Variants in CNTNAP2 observed in about 807,000 individuals in gnomAD.
CNTNAP2 encodes contactin-associated protein-like 2.
Under a neutral mutation model 155.2 loss-of-function variants are expected in CNTNAP2, and 98 were observed. That is an observed-to-expected ratio of 0.63 (90% CI 0.54 to 0.75). The LOEUF (loss-of-function observed/expected upper bound fraction) is 0.75. CNTNAP2 is among the 30% of genes least tolerant of loss of function. CNTNAP2 has a pLI of 0.00. For synonymous variants in CNTNAP2, 651 were observed against 631.2 expected, an observed-to-expected ratio of 1.03 and a Z score of -0.47; for missense variants, 1,727 against 1,688.1, an observed-to-expected ratio of 1.02 and a Z score of -0.40.
intron 18 of CNTNAP2, among the ~76,000 whole-genome samples, chr7:148,187,105 AACATACAC>A (rs1366194778): frequency 8.2e-6 from 1 of 122,682 alleles, no homozygotes; most frequent in African/African-American, 3.0e-5. Flanking sequence ...TGAGCAAGGA[AACATACAC>A]ACACACACAC....
At chr7:146,564,084 C>A (rs1250396008) in intron 1 of CNTNAP2, among the ~76,000 whole-genome samples, 1 of 152,106 alleles carries the variant, frequency 6.6e-6, no homozygotes, top group Non-Finnish European at 1.5e-5. Flanking sequence ...ATTATTTAAT[C>A]AACTAATCAG....
chr7:146,703,631 G>C (rs905888814), intron 1 of CNTNAP2, among the ~76,000 whole-genome samples: 2 of 152,096 alleles, frequency 1.3e-5, no homozygotes, highest in South Asian at 4.1e-4. Flanking sequence ...GTGAGGGCTT[G>C]TTCCCTATAA....
At chr7:146,935,630 A>G (rs1271045936) in intron 3 of CNTNAP2, among the ~76,000 whole-genome samples, 1 of 152,220 alleles carries the variant, frequency 6.6e-6, no homozygotes, top group Non-Finnish European at 1.5e-5. Context: ...GGCTATAATT[A>G]CACAGCAGAT....
chr7:147,407,704 G>T (rs1054979117), intron 10 of CNTNAP2, among the ~76,000 whole-genome samples: 1 of 152,100 alleles, frequency 6.6e-6, no homozygotes, highest in African/African-American at 2.4e-5. Context: ...TTAAAACTAT[G>T]TTAAGAAGCA....
chr7:146,908,874 T>C, intron 3 of CNTNAP2, among the ~76,000 whole-genome samples: 1 of 147,206 alleles, frequency 6.8e-6, no homozygotes, highest in Non-Finnish European at 1.5e-5. Context: ...ACTGGTTTTT[T>C]GAAAGGATCA....
At chr7:147,658,045 A>C (rs1178444565) in intron 13 of CNTNAP2, among the ~76,000 whole-genome samples, 1 of 119,188 alleles carries the variant, frequency 8.4e-6, no homozygotes, top group Non-Finnish European at 1.9e-5. Flanking sequence ...TCACGAGGTC[A>C]GGAGATCGAG....
intron 10 of CNTNAP2, among the ~76,000 whole-genome samples, chr7:147,441,809 CTCTT>C (rs1182442586): frequency 8.4e-6 from 1 of 119,746 alleles, no homozygotes; most frequent in African/African-American, 3.1e-5. Flanking sequence ...CAAATGTAGT[CTCTT>C]TCTCTCTCTC....
chr7:147,090,595 G>A (rs905980636), intron 4 of CNTNAP2, among the ~76,000 whole-genome samples: 3 of 151,960 alleles, frequency 2.0e-5, no homozygotes, highest in Non-Finnish European at 2.9e-5. Context: ...TCAGAAATGT[G>A]TATCTCTTTT....
At chr7:146,765,532 C>T (rs139753858) in intron 1 of CNTNAP2, among the ~76,000 whole-genome samples, 1 of 152,278 alleles carries the variant, frequency 6.6e-6, no homozygotes, top group South Asian at 2.1e-4. Context: ...TTCAACAGCT[C>T]TCTGCAAGGT....
intron 15 of CNTNAP2, among the ~76,000 whole-genome samples, chr7:147,985,641 T>C: frequency 6.6e-6 from 1 of 152,146 alleles, no homozygotes; most frequent in East Asian, 1.9e-4. Context: ...AACTGATCTT[T>C]TTCCACTTAC....
intron 8 of CNTNAP2, among the ~76,000 whole-genome samples, chr7:147,140,783 T>C (rs1257647243): frequency 6.6e-6 from 1 of 152,110 alleles, no homozygotes; most frequent in Non-Finnish European, 1.5e-5. Context: ...CTGTACATAA[T>C]TTTATGGGCA....
chr7:146,280,142 A>G (rs1800227500), intron 1 of CNTNAP2, among the ~76,000 whole-genome samples: 1 of 152,090 alleles, frequency 6.6e-6, no homozygotes, highest in Non-Finnish European at 1.5e-5. Context: ...TTTTTTAGTA[A>G]AAGCAGTTGC....
At chr7:147,090,322 C>CGTGTGTGTGTGT (rs146882206) in intron 4 of CNTNAP2, among the ~76,000 whole-genome samples, 1,608 of 141,880 alleles carry the variant, frequency 0.011, 30 homozygotes, top group African/African-American at 0.039. Flanking sequence ...AACATATAAG[C>CGTGTGTGTGTGT]GTGTGTGTGT....
intron 2 of CNTNAP2, among the ~76,000 whole-genome samples, chr7:146,781,184 C>T (rs36070411): frequency 0.093 from 13,895 of 149,278 alleles, 743 homozygotes; most frequent in African/African-American, 0.14. Flanking sequence ...GCCCAGATCG[C>T]GCCACTACAC....
chr7:147,016,223 C>A (rs758429223), intron 3 of CNTNAP2, among the ~76,000 whole-genome samples: 3 of 151,286 alleles, frequency 2.0e-5, no homozygotes, highest in Admixed American at 6.6e-5. Flanking sequence ...TGAGCACTGT[C>A]AGTCTTTTAA....
At chr7:147,429,293 G>T (rs902372730) in intron 10 of CNTNAP2, among the ~76,000 whole-genome samples, 3 of 151,870 alleles carry the variant, frequency 2.0e-5, no homozygotes, top group Non-Finnish European at 2.9e-5. Context: ...GAGTAAGGTG[G>T]TATATTATTG....
At chr7:147,900,057 T>C (rs1799840590) in intron 13 of CNTNAP2, among the ~76,000 whole-genome samples, 1 of 152,118 alleles carries the variant, frequency 6.6e-6, no homozygotes, top group African/African-American at 2.4e-5. Flanking sequence ...GCTGTCAAAT[T>C]AAAAGAAAAC....
At chr7:147,572,768 T>C (rs1174775542) in intron 12 of CNTNAP2, among the ~76,000 whole-genome samples, 1 of 152,048 alleles carries the variant, frequency 6.6e-6, no homozygotes, top group Non-Finnish European at 1.5e-5. Context: ...AACTCATTTC[T>C]TTGCAATCAA....
Position 147,897,875 on chromosome 7 carries a change from G to T in CNTNAP2, c.2099-5690G>T, listed in dbSNP as rs142536821. On this transcript the variant is annotated intron_variant, in intron 13 of 23. Transcript: ENST00000361727. The stretch of plus-strand genomic sequence containing the variant: ...GGATGCTTTACCACTTACCCTGATG[G>T]AAAAAGAAAGGAGAAGCAAATGACT... Among the ~76,000 whole-genome samples the T allele has an allele frequency of 2.6e-4, 39 of 152,268 alleles. 1 individual carries two copies. Among genetic ancestry groups the T allele is most frequent in the African/African-American group, 9.4e-4 (39 of 41,550 alleles).
Sources: allele counts gnomAD v4.1 joint callset (sites outside exome capture counted in the v4.1 genomes callset), GRCh38; gene constraint gnomAD v4.1.1; transcripts MANE v1.5; gene names NCBI Gene and HGNC (gene_info 2026-07-23, HGNC 2026-07-21).